Variants in RNLS observed in about 807,000 individuals in gnomAD.
RNLS encodes the protein renalase, FAD dependent amine oxidase, also known as renalase.
A neutral mutation model predicts 39.8 loss-of-function variants in RNLS; 39 were observed. The observed-to-expected ratio is 0.98, with a 90% CI of 0.76 to 1.28. The LOEUF (loss-of-function observed/expected upper bound fraction) is 1.28, where lower values mean the gene tolerates loss of function less well. Among genes scored for constraint, RNLS ranks in the 50% most tolerant of loss-of-function variants. RNLS has a pLI of 0.00. For missense variants in RNLS, 410 were observed against 413.3 expected, an observed-to-expected ratio of 0.99 and a Z score of 0.07; for synonymous variants, 147 against 150.7, an observed-to-expected ratio of 0.98 and a Z score of 0.18.
intron 4 of RNLS, among the ~76,000 whole-genome samples, chr10:88,440,566 G>A (rs548619427): frequency 1.3e-5 from 2 of 152,218 alleles, no homozygotes; most frequent in South Asian, 4.2e-4. Flanking sequence ...GTCCCCCTAG[G>A]CTAAATTCTT....
downstream of RNLS, among the ~76,000 whole-genome samples, chr10:88,281,859 T>C (rs80202096): frequency 5.0e-3 from 753 of 151,696 alleles, 5 homozygotes; most frequent in South Asian, 0.034. Context: ...TTTCTGAGAA[T>C]GTAGAATTAG....
chr10:88,216,371 A>G, the RNLS span, among the ~76,000 whole-genome samples: 1 of 152,204 alleles, frequency 6.6e-6, no homozygotes, highest in African/African-American at 2.4e-5. Flanking sequence ...AAATAATGTC[A>G]TAAGATATCT....
intron 4 of RNLS, among the ~76,000 whole-genome samples, chr10:88,446,032 C>T (rs1445319245): frequency 3.3e-5 from 5 of 152,220 alleles, no homozygotes; most frequent in Non-Finnish European, 5.9e-5. Flanking sequence ...CACCACATCG[C>T]ACTTATTCCA....
the RNLS span, among the ~76,000 whole-genome samples, chr10:88,218,480 G>A: frequency 1.3e-5 from 2 of 152,220 alleles, no homozygotes; most frequent in African/African-American, 4.8e-5. Flanking sequence ...GGCACCAGAA[G>A]TATTCATTTC....
chr10:88,533,884 C>G (rs1341490710), intron 4 of RNLS, among the ~76,000 whole-genome samples: 6 of 152,082 alleles, frequency 3.9e-5, no homozygotes, highest in Non-Finnish European at 8.8e-5. Context: ...GATTTGAAAT[C>G]TTCAGCACGG....
chr10:88,239,865 G>C, the RNLS span, among the ~76,000 whole-genome samples: 3 of 152,350 alleles, frequency 2.0e-5, no homozygotes, highest in Admixed American at 2.0e-4. Context: ...CCAACAAGAG[G>C]AAGAAGAAAA....
intron 4 of RNLS, among the ~76,000 whole-genome samples, chr10:88,535,381 C>A (rs10736358): frequency 6.7e-6 from 1 of 150,058 alleles, no homozygotes; most frequent in Non-Finnish European, 1.5e-5. Context: ...AGGTTGGAAA[C>A]GGGAGAGGGA....
At chr10:88,265,373 T>C in the RNLS span, among the ~76,000 whole-genome samples, 1 of 150,930 alleles carries the variant, frequency 6.6e-6, no homozygotes, top group African/African-American at 2.4e-5. Flanking sequence ...TTAGGATTTT[T>C]TTCTAGTTCT....
intron 4 of RNLS, among the ~76,000 whole-genome samples, chr10:88,373,513 TA>T (rs1293509283): frequency 6.6e-6 from 1 of 152,180 alleles, no homozygotes; most frequent in Non-Finnish European, 1.5e-5. Flanking sequence ...TTATTTATTT[TA>T]AAATTATGCT....
intron 4 of RNLS, among the ~76,000 whole-genome samples, chr10:88,435,817 T>C (rs10887819): frequency 4.6e-5 from 7 of 152,250 alleles, no homozygotes; most frequent in Non-Finnish European, 1.0e-4. Context: ...GGAAACCTTA[T>C]AATAAAAGCA....
chr10:88,367,127 C>A (rs181833697), intron 4 of RNLS, among the ~76,000 whole-genome samples: 1,829 of 151,820 alleles, frequency 0.012, 16 homozygotes, highest in Non-Finnish European at 0.017. Context: ...GAAAATTATG[C>A]CTTGATGAAT....
At chr10:88,240,207 G>A in the RNLS span, among the ~76,000 whole-genome samples, 2 of 152,138 alleles carry the variant, frequency 1.3e-5, no homozygotes, top group Admixed American at 1.3e-4. Flanking sequence ...TACCTTCTGT[G>A]ATTCTGGCTA....
At chr10:88,522,670 A>G (rs187025384) in intron 4 of RNLS, among the ~76,000 whole-genome samples, 27 of 152,230 alleles carry the variant, frequency 1.8e-4, no homozygotes, top group Admixed American at 1.6e-3. Flanking sequence ...AAATTTCTCT[A>G]AAGGATTTGG....
chr10:88,202,025 A>G, the RNLS span, among the ~76,000 whole-genome samples: 1 of 152,122 alleles, frequency 6.6e-6, no homozygotes, highest in African/African-American at 2.4e-5. Flanking sequence ...ACTATTCACA[A>G]TAGCAAAGAC....
chr10:88,196,233 G>A, the RNLS span, among the ~76,000 whole-genome samples: 1 of 151,970 alleles, frequency 6.6e-6, no homozygotes, highest in Non-Finnish European at 1.5e-5. Context: ...GTGGGAGGGT[G>A]GGAGGGTTTG....
Position 88,485,658 on chromosome 10 carries a change from A to C in RNLS, c.526+87245T>G, listed in dbSNP as rs955935972. 9.4e-4 allele frequency among the ~76,000 whole-genome samples: 143 copies of C among 151,738 alleles called. 1 individual carries two copies. Among genetic ancestry groups the C allele is most frequent in the African/African-American group, 3.2e-3 (132 of 41,492 alleles). ...ATGAAAAACCAAAAAAAAAAAAAAAAAACGAATATGAGCCATTTGCAGTTA... is the reference window on the plus strand; with the variant it reads ...ATGAAAAACCAAAAAAAAAAAAAAACAACGAATATGAGCCATTTGCAGTTA... On this transcript the variant is annotated intron_variant, in intron 4 of 6. Transcript: ENST00000331772.
chr10:88,202,566 T>G, the RNLS span, among the ~76,000 whole-genome samples: 1 of 152,310 alleles, frequency 6.6e-6, no homozygotes, highest in South Asian at 2.1e-4. Flanking sequence ...GGTCCTTCCT[T>G]TGTCCTTCTG....
At chr10:88,330,092 A>ATATATATATATATATATATATAT (rs750773423) in intron 5 of RNLS, among the ~76,000 whole-genome samples, 13 of 138,210 alleles carry the variant, frequency 9.4e-5, no homozygotes, top group South Asian at 4.5e-4. Flanking sequence ...TATATATATA[A>ATATATATATATATATATATATAT]ATATAAATAT....
intron 4 of RNLS, among the ~76,000 whole-genome samples, chr10:88,398,337 G>A (rs77479488): frequency 0.061 from 9,234 of 152,062 alleles, 402 homozygotes; most frequent in African/African-American, 0.12. Flanking sequence ...TTGGAGCATA[G>A]GGGAAGTCCC....
Sources: gnomAD v4.1 joint callset for allele counts (sites outside exome capture counted in the v4.1 genomes callset) on GRCh38, gnomAD v4.1.1 for gene constraint, MANE v1.5 for transcripts, NCBI Gene and HGNC (gene_info 2026-07-23, HGNC 2026-07-21) for gene names.